The following OSBP2 variants were observed in gnomAD, a reference collection of about 807,000 sequenced individuals.
OSBP2 encodes oxysterol-binding protein 2.
In OSBP2, 66 loss-of-function variants were observed where a neutral mutation model predicts 96.0. The observed-to-expected ratio is 0.69, with a 90% CI of 0.56 to 0.84. The LOEUF is 0.84. OSBP2 is among the 40% of genes least tolerant of loss of function. OSBP2 has a pLI of 0.00. For missense variants in OSBP2, 1,038 were observed against 1,222.7 expected (o/e 0.85, Z 2.25); for synonymous variants, 525 against 520.9 (o/e 1.01, Z -0.11).
Position 30,890,859 on chromosome 22 carries a change from GTCC to G in OSBP2, c.1760_1762del (p.Ser587del), listed in dbSNP as rs761493073. 9 of 1,613,710 alleles carry G rather than the reference GTCC, an allele frequency of 5.6e-6. No homozygotes were observed. The highest frequency in any genetic ancestry group is 1.3e-5 in the African/African-American group (1 of 74,946). ...TGTGCCTGGTGGCCGCCTTCTCTGT[GTCC>G]TCCTACTCCACCACAGTGCACCGCA... On this transcript the variant is annotated inframe_deletion, in exon 8 of 14. Transcript: ENST00000332585. The surrounding 1 kb of genome is among the most constrained non-coding windows in gnomAD (Gnocchi z 4.4).
chr22:30,768,001 G>A (rs1308488147), intron 2 of OSBP2, among the ~76,000 whole-genome samples: 1 of 152,200 alleles, frequency 6.6e-6, no homozygotes, highest in African/African-American at 2.4e-5. Flanking sequence ...TTTAGGAGGT[G>A]TGAACAATTT....
At chr22:30,786,674 G>C (rs1420268539) in intron 2 of OSBP2, among the ~76,000 whole-genome samples, 1 of 127,568 alleles carries the variant, frequency 7.8e-6, no homozygotes, top group Admixed American at 9.9e-5. Context: ...GATCCTGGCT[G>C]TTCAGAGAGC....
chr22:30,795,309 A>C (rs2090741754), intron 2 of OSBP2, among the ~76,000 whole-genome samples: 1 of 152,022 alleles, frequency 6.6e-6, no homozygotes, highest in African/African-American at 2.4e-5. Context: ...AGCTTCTTGA[A>C]TCTGTGGGTT....
chr22:30,889,462 G>A (rs759689421), intron 6 of OSBP2, 28 bp from the exon 7 acceptor site: 12 of 1,613,634 alleles, frequency 7.4e-6, no homozygotes, highest in African/African-American at 1.3e-5. Flanking sequence ...CTCTGCTGAC[G>A]GTGAGGGGGT....
chr22:30,725,739 G>A (rs1158091968), intron 1 of OSBP2, among the ~76,000 whole-genome samples: 1 of 151,662 alleles, frequency 6.6e-6, no homozygotes, highest in Non-Finnish European at 1.5e-5. Flanking sequence ...TTTGCTAAAT[G>A]AATCAATGTC....
At chr22:30,812,765 C>T (rs1417897018) in intron 2 of OSBP2, among the ~76,000 whole-genome samples, 2 of 152,122 alleles carry the variant, frequency 1.3e-5, no homozygotes, top group Non-Finnish European at 2.9e-5. Flanking sequence ...TCCACAGAGG[C>T]GACCCCATCA....
At chr22:30,883,868 C>G (rs1373205978) in intron 3 of OSBP2, among the ~76,000 whole-genome samples, 1 of 152,180 alleles carries the variant, frequency 6.6e-6, no homozygotes, top group Non-Finnish European at 1.5e-5. Context: ...GGCACATTGT[C>G]TCTGAGTCTG....
intron 2 of OSBP2, among the ~76,000 whole-genome samples, chr22:30,825,769 T>C (rs1358192883): frequency 6.6e-6 from 1 of 152,098 alleles, no homozygotes; most frequent in Non-Finnish European, 1.5e-5. Context: ...GCCCTGACCA[T>C]AGTACTGCCA....
At chr22:30,837,711 T>C (rs1602337165) in intron 2 of OSBP2, among the ~76,000 whole-genome samples, 1 of 152,166 alleles carries the variant, frequency 6.6e-6, no homozygotes, top group Admixed American at 6.5e-5. Flanking sequence ...TCTAGGCAGG[T>C]TCGGGGTGAG....
At chr22:30,739,700 G>A (rs549499719) in intron 1 of OSBP2, among the ~76,000 whole-genome samples, 6 of 152,168 alleles carry the variant, frequency 3.9e-5, no homozygotes, top group Admixed American at 2.6e-4. Context: ...AGACGGAGGC[G>A]ATTCATGAAA....
chr22:30,897,134 A>G (rs984192562), intron 12 of OSBP2, among the ~76,000 whole-genome samples: 13 of 152,270 alleles, frequency 8.5e-5, no homozygotes, highest in African/African-American at 3.1e-4. Context: ...GAAAGTTGCT[A>G]TAATAATAAA....
At chr22:30,738,569 T>C (rs1480306016) in intron 1 of OSBP2, among the ~76,000 whole-genome samples, 35 of 152,042 alleles carry the variant, frequency 2.3e-4, no homozygotes, top group Non-Finnish European at 7.4e-5. Context: ...TCTTTTTTTT[T>C]TTTTCTTTGA....
chr22:30,715,856 C>CT (rs56747830), intron 1 of OSBP2, among the ~76,000 whole-genome samples: 7,600 of 130,128 alleles, frequency 0.058, 506 homozygotes, highest in African/African-American at 0.16. Flanking sequence ...CACACCTAAC[C>CT]TTTTTTTTTT....
chr22:30,694,808 C>T (rs1250525257), upstream of OSBP2: 12 of 566,248 alleles, frequency 2.1e-5, no homozygotes, highest in Middle Eastern at 1.7e-3. Context: ...CCGCGCGCGC[C>T]CCCGCCTCGC....
intron 2 of OSBP2, among the ~76,000 whole-genome samples, chr22:30,840,455 C>A (rs2038729281): frequency 6.6e-6 from 1 of 152,042 alleles, no homozygotes; most frequent in Admixed American, 6.6e-5. Flanking sequence ...TGATGCTGGT[C>A]CAGTGATTAC....
At chr22:30,844,045 T>G (rs2038816155) in intron 2 of OSBP2, among the ~76,000 whole-genome samples, 1 of 152,064 alleles carries the variant, frequency 6.6e-6, no homozygotes, top group South Asian at 2.1e-4. Context: ...CAGCTTACTT[T>G]TGTATTTTTT....
intron 2 of OSBP2, among the ~76,000 whole-genome samples, chr22:30,748,985 G>T (rs533254340): frequency 3.9e-5 from 6 of 152,108 alleles, no homozygotes; most frequent in Non-Finnish European, 8.8e-5. Context: ...GCATAGTAGC[G>T]CACGCCTGTA....
chr22:30,848,438 C>A (rs140211478), intron 2 of OSBP2, among the ~76,000 whole-genome samples: 130 of 152,112 alleles, frequency 8.5e-4, no homozygotes, highest in African/African-American at 3.1e-3. Context: ...TTAAATCAAC[C>A]TTATTATTAT....
intron 1 of OSBP2, among the ~76,000 whole-genome samples, chr22:30,717,090 T>TTTTTTTTTTTTTG (rs71328866): frequency 8.5e-6 from 1 of 118,320 alleles, no homozygotes; most frequent in African/African-American, 3.2e-5. Context: ...TTTACTGTTT[T>TTTTTTTTTTTTTG]TGTGTGTGTG....
Sources: allele counts gnomAD v4.1 joint callset (sites outside exome capture counted in the v4.1 genomes callset), GRCh38; gene constraint gnomAD v4.1.1; non-coding constraint Gnocchi (gnomAD v3.1); transcripts MANE v1.5; gene names NCBI Gene and HGNC (gene_info 2026-07-23, HGNC 2026-07-21).